Variants in ROBO2 observed in about 807,000 individuals in gnomAD.
The protein encoded by ROBO2 is roundabout homolog 2.
A neutral mutation model predicts 160.8 loss-of-function variants in ROBO2; 53 were observed. That is an observed-to-expected ratio of 0.33 (90% CI 0.26 to 0.41). ROBO2 has a LOEUF of 0.41. Ranked by LOEUF, ROBO2 falls within the 10% of genes least tolerant of loss-of-function variation. ROBO2 has a pLI of 1.00. For synonymous variants in ROBO2, 664 were observed against 611.7 expected (o/e 1.09, Z -1.26); for missense variants, 1,577 against 1,722.4 (o/e 0.92, Z 1.49).
At chr3:77,075,870 G>T (rs1208775391) in intron 1 of ROBO2, among the ~76,000 whole-genome samples, 1 of 151,288 alleles carries the variant, frequency 6.6e-6, no homozygotes, top group Non-Finnish European at 1.5e-5. Context: ...TAGAGATGGG[G>T]TTTCACCATG....
intron 2 of ROBO2, among the ~76,000 whole-genome samples, chr3:76,934,210 G>GAAAA (rs10687758): frequency 0.17 from 24,544 of 142,438 alleles, 2,341 homozygotes; most frequent in Non-Finnish European, 0.23. Context: ...ATCGAAAATA[G>GAAAA]AAAAAAAAAA....
chr3:77,491,101 T>C (rs2086049741), intron 4 of ROBO2, among the ~76,000 whole-genome samples: 1 of 152,226 alleles, frequency 6.6e-6, no homozygotes, highest in Admixed American at 6.5e-5. Context: ...ACTCACTCTC[T>C]GTCTAGCTTT....
intron 2 of ROBO2, among the ~76,000 whole-genome samples, chr3:76,665,866 T>C (rs1007655037): frequency 2.1e-5 from 3 of 140,572 alleles, no homozygotes; most frequent in African/African-American, 8.6e-5. Context: ...TACGTGTATG[T>C]ATATACGTAT....
At chr3:76,885,762 A>T (rs185027761) in intron 2 of ROBO2, among the ~76,000 whole-genome samples, 21 of 152,338 alleles carry the variant, frequency 1.4e-4, no homozygotes, top group African/African-American at 4.8e-4. Flanking sequence ...TTGAACACTT[A>T]TCTCATTCCA....
At chr3:76,017,238 A>G (rs547398773) in intron 2 of ROBO2, among the ~76,000 whole-genome samples, 1 of 152,280 alleles carries the variant, frequency 6.6e-6, no homozygotes, top group African/African-American at 2.4e-5. Flanking sequence ...AAAGACGACT[A>G]ACAATCCCTC....
chr3:77,064,314 G>T (rs1389654495), intron 1 of ROBO2, among the ~76,000 whole-genome samples: 1 of 150,218 alleles, frequency 6.7e-6, no homozygotes, highest in East Asian at 1.9e-4. Context: ...TATACAAATT[G>T]CAATTTTATA....
chr3:76,354,027 G>A (rs946828608), intron 2 of ROBO2, among the ~76,000 whole-genome samples: 1 of 151,886 alleles, frequency 6.6e-6, no homozygotes, highest in Non-Finnish European at 1.5e-5. Context: ...TTAGATGTCT[G>A]ACATCTGTTT....
Position 76,091,274 on chromosome 3 carries a change from G to A in ROBO2, c.109+153672G>A, listed in dbSNP as rs1214655217. Among the ~76,000 whole-genome samples, 12 of 152,208 alleles carry A rather than the reference G, an allele frequency of 7.9e-5. No individual in the cohort carries two copies. In the South Asian group the frequency reaches 1.0e-3, roughly 13 times the overall value. On this transcript the variant is annotated intron_variant, in intron 2 of 26. Coordinates refer to the ROBO2 transcript ENST00000487694. ...CTCAATTAAAAAATGAGCAAAAGGCGTGAACCGACACCTCACTAAAGAAGA... is the reference window on the plus strand; with the variant it reads ...CTCAATTAAAAAATGAGCAAAAGGCATGAACCGACACCTCACTAAAGAAGA...
chr3:76,032,251 T>G (rs1559850815), intron 2 of ROBO2, among the ~76,000 whole-genome samples: 1 of 152,168 alleles, frequency 6.6e-6, no homozygotes, highest in African/African-American at 2.4e-5. Context: ...CTCTCTTTTC[T>G]TCTTTATTGG....
chr3:76,567,773 G>C (rs1363967689), intron 2 of ROBO2, among the ~76,000 whole-genome samples: 29 of 76,986 alleles, frequency 3.8e-4, no homozygotes, highest in Non-Finnish European at 6.1e-4. Context: ...CTGTGTGTGT[G>C]TGTGTGTGTG....
At position 77,169,569 on chromosome 3, in the gene ROBO2, A is replaced by G. The variant is rs569539662; in HGVS notation, c.388+71229A>G. ...AGTATATACTGTTAAAATTTTCAGA[A>G]TATCGTTTCTGAAAATTACTTTGCT... On this transcript the variant is annotated intron_variant, in intron 2 of 25. Coordinates refer to ENST00000461745, the Ensembl canonical transcript of ROBO2. Among the ~76,000 whole-genome samples the G allele has an allele frequency of 6.6e-5, 10 of 152,234 alleles. 1 individual carries two copies. The South Asian group carries it at 2.1e-3, about 32-fold the overall frequency.
At chr3:76,011,536 G>GAA (rs2066194196) in intron 2 of ROBO2, among the ~76,000 whole-genome samples, 2 of 152,156 alleles carry the variant, frequency 1.3e-5, no homozygotes, top group African/African-American at 4.8e-5. Flanking sequence ...TCGCTCTTGT[G>GAA]AATTGGACTC....
At chr3:75,943,634 A>T (rs568293551) in intron 2 of ROBO2, among the ~76,000 whole-genome samples, 38 of 152,294 alleles carry the variant, frequency 2.5e-4, no homozygotes, top group Admixed American at 1.1e-3. Flanking sequence ...AACAGGAAAA[A>T]AGAAGTAAAG....
intron 5 of ROBO2, among the ~76,000 whole-genome samples, chr3:77,508,505 A>G (rs2088906175): frequency 6.7e-6 from 1 of 150,168 alleles, no homozygotes; most frequent in East Asian, 1.9e-4. Context: ...CTAAATGTTT[A>G]GGAGTTCTCA....
At chr3:76,783,910 T>C (rs9880618) in intron 2 of ROBO2, among the ~76,000 whole-genome samples, 1,551 of 151,268 alleles carry the variant, frequency 0.01, 22 homozygotes, top group African/African-American at 0.035. Flanking sequence ...TACTCTTTTT[T>C]ATTCTTTTAT....
chr3:76,365,066 TAAG>T (rs34230194), intron 2 of ROBO2, among the ~76,000 whole-genome samples: 17,226 of 152,042 alleles, frequency 0.11, 1,195 homozygotes, highest in African/African-American at 0.2. Context: ...GATTTTCTAA[TAAG>T]AAGCCACACT....
intron 2 of ROBO2, among the ~76,000 whole-genome samples, chr3:76,050,287 C>T (rs2107811173): frequency 6.6e-6 from 1 of 152,252 alleles, no homozygotes; most frequent in African/African-American, 2.4e-5. Flanking sequence ...TGCCCTCAAA[C>T]ATCAGACTCT....
intron 2 of ROBO2, among the ~76,000 whole-genome samples, chr3:75,988,613 G>A (rs1332917089): frequency 6.6e-6 from 1 of 151,932 alleles, no homozygotes; most frequent in East Asian, 1.9e-4. Flanking sequence ...TTAAATGGAA[G>A]CTTTTATAAC....
intron 2 of ROBO2, among the ~76,000 whole-genome samples, chr3:76,503,019 T>TGC (rs58363233): frequency 1.4e-5 from 2 of 142,346 alleles, no homozygotes; most frequent in African/African-American, 6.1e-5. Flanking sequence ...TGTGTGTGTG[T>TGC]GCGCGCGCAC....
Sources: gnomAD v4.1 joint callset for allele counts (sites outside exome capture counted in the v4.1 genomes callset) on GRCh38, gnomAD v4.1.1 for gene constraint, MANE v1.5 for transcripts, NCBI Gene and HGNC (gene_info 2026-07-23, HGNC 2026-07-21) for gene names.